The following GNPTAB variants were observed in gnomAD, a reference collection of about 807,000 sequenced individuals.
The protein encoded by GNPTAB is N-acetylglucosamine-1-phosphate transferase subunits alpha and beta.
Under a neutral mutation model 136.6 loss-of-function variants are expected in GNPTAB, and 92 were observed. The ratio of observed to expected loss-of-function variants is 0.67; its 90% CI spans 0.57 to 0.80. The LOEUF (loss-of-function observed/expected upper bound fraction) is 0.80. Ranked by LOEUF, GNPTAB falls within the 30% of genes least tolerant of loss-of-function variation. The pLI is 0.00. For synonymous variants in GNPTAB, 512 were observed against 535.1 expected (o/e 0.96, Z 0.60); for missense variants, 1,343 against 1,501.8 (o/e 0.89, Z 1.75).
intron 1 of GNPTAB, among the ~76,000 whole-genome samples, chr12:101,819,815 T>G (rs1359344347): frequency 6.6e-6 from 1 of 152,220 alleles, no homozygotes; most frequent in Non-Finnish European, 1.5e-5. Flanking sequence ...ATATATAATC[T>G]ATTATAGTTA....
intron 1 of GNPTAB, among the ~76,000 whole-genome samples, chr12:101,826,761 A>T (rs1017664899): frequency 6.6e-6 from 1 of 152,144 alleles, no homozygotes; most frequent in Non-Finnish European, 1.5e-5. Flanking sequence ...AGTAGCAACT[A>T]ACAGAGAACA....
intron 7 of GNPTAB, chr12:101,773,198 T>G: frequency 4.2e-6 from 1 of 235,690 alleles, no homozygotes; most frequent in South Asian, 4.2e-5. Context: ...CACTTGATAG[T>G]TCGTCTGTGC....
chr12:101,803,573 C>T (rs942430167), intron 1 of GNPTAB, among the ~76,000 whole-genome samples: 11 of 152,200 alleles, frequency 7.2e-5, no homozygotes, highest in South Asian at 2.1e-4. Flanking sequence ...TAGTCAAACA[C>T]TAATTAAACT....
rs773032599 is a variant in GNPTAB at position 101,780,221 on chromosome 12, T to C, written c.702A>G (p.Pro234=). The C allele has an allele frequency of 1.9e-5, 31 of 1,613,216 alleles. No homozygotes were observed. The highest frequency in any genetic ancestry group is 1.6e-4 in the Middle Eastern group (1 of 6,084). ...MQDLAFLSGF[P]PTFKETNQLK... ...GTTGATTTGTTTCCTTGAATGTTGG[T>C]GGAAATCCACTCAGGAAAGCCAAAT... Residue 234 remains proline, a synonymous_variant, in exon 7 of 21, where the codon CCA becomes CCG. Coordinates refer to ENST00000299314, the MANE Select transcript of GNPTAB (RefSeq NM_024312.5).
At chr12:101,793,379 C>T (rs1038320390) in intron 2 of GNPTAB, among the ~76,000 whole-genome samples, 2 of 152,166 alleles carry the variant, frequency 1.3e-5, no homozygotes, top group African/African-American at 4.8e-5. Flanking sequence ...ACATCTTAAG[C>T]TTTCCTGTAA....
chr12:101,761,742 G>C lies in GNPTAB; in HGVS notation c.2737C>G (p.Gln913Glu). The part of the protein sequence containing the change: ...LLDEEESLKT[Q>E]LAYFTDSKNT... ...TTGCTATCAGTGAAGTATGCCAATT[G>C]TGTCTTCAATGACTCTTCTTCCTGA... The change falls in exon 14 of 21, where the codon CAA (glutamine) becomes GAA (glutamate). Residue 913 changes from glutamine to glutamate, a missense_variant. Coordinates refer to ENST00000299314, the MANE Select transcript of GNPTAB (RefSeq NM_024312.5). The C allele has an allele frequency of 6.2e-7, 1 of 1,612,896 alleles. No homozygotes were observed. The highest frequency in any genetic ancestry group is 8.5e-7 in the Non-Finnish European group (1 of 1,178,984).
At chr12:101,804,084 T>G (rs866635777) in intron 1 of GNPTAB, among the ~76,000 whole-genome samples, 2 of 151,738 alleles carry the variant, frequency 1.3e-5, no homozygotes, top group Admixed American at 6.6e-5. Context: ...AAAAAAAAAT[T>G]TTTAAAGTTA....
Position 101,747,216 on chromosome 12 carries a change from A to G in GNPTAB, c.3719T>C (p.Phe1240Ser). The change falls in exon 21 of 21, where the codon TTT (phenylalanine) becomes TCT (serine). Residue 1240 changes from phenylalanine (F) to serine (S), a missense_variant. Transcript: ENST00000299314. ...TTCTTTGTGTATCCTCCTTCTGGGA[A>G]ATATCTTCCGCTTAAGTGCAATTAA... ...EQLIALKRKIFPRRRIHKEAS... is the reference protein window; with the variant it reads ...EQLIALKRKISPRRRIHKEAS... 1 of 1,592,398 alleles carries G rather than the reference A, an allele frequency of 6.3e-7. No individual in the cohort carries two copies.
chr12:101,768,350 G>A lies in GNPTAB; in HGVS notation c.1285-190C>T, dbSNP rs74532388. On this transcript the variant is annotated intron_variant, in intron 10 of 20. Transcript: ENST00000299314. ...ACAGTCATTGTTTAGATCCTGCTGC[G>A]TTGACCGTTCTTACTGAGCGTATTT... Among the ~76,000 whole-genome samples, 77 of 152,286 alleles carry A rather than the reference G, an allele frequency of 5.1e-4. 2 individuals are homozygous for A. The East Asian group carries it at 0.013, about 26-fold the overall frequency.
intron 1 of GNPTAB, among the ~76,000 whole-genome samples, chr12:101,801,360 G>A (rs1049908764): frequency 4.7e-5 from 7 of 150,122 alleles, no homozygotes; most frequent in Non-Finnish European, 1.0e-4. Context: ...TAGGCAACAC[G>A]GCAAAACCCT....
intron 1 of GNPTAB, among the ~76,000 whole-genome samples, chr12:101,808,571 CTTGGAT>C (rs1354348174): frequency 6.6e-6 from 1 of 152,016 alleles, no homozygotes; most frequent in Non-Finnish European, 1.5e-5. Flanking sequence ...TCTAGGTGAC[CTTGGAT>C]TTGATGGTAA....
intron 5 of GNPTAB, among the ~76,000 whole-genome samples, chr12:101,782,303 G>A (rs761334990): frequency 2.7e-5 from 4 of 150,402 alleles, no homozygotes; most frequent in Non-Finnish European, 5.9e-5. Flanking sequence ...GAATATATAA[G>A]TTTTTTTTTT....
chr12:101,764,378 T>C lies in GNPTAB; in HGVS notation c.2539A>G (p.Thr847Ala). The change falls in exon 13 of 21, where the codon ACA becomes GCA. Residue 847 changes from threonine (T) to alanine (A), a missense_variant. Transcript: ENST00000299314. ...TTCCCTGTGATTTTCTTTTCTTTTG[T>C]CATCTGGCTTTCCAGTGGAACAATC... ...SLIVPLESQM[T>A]KEKKITGKEK... 6 of 1,614,008 alleles carry C rather than the reference T, an allele frequency of 3.7e-6. No homozygotes were observed. The highest frequency in any genetic ancestry group is 5.1e-6 in the Non-Finnish European group (6 of 1,180,038).
intron 5 of GNPTAB, among the ~76,000 whole-genome samples, chr12:101,782,878 TA>T (rs1020896065): frequency 6.6e-5 from 10 of 152,190 alleles, no homozygotes; most frequent in African/African-American, 2.4e-4. Context: ...CTATTCTACT[TA>T]CCCAGATCAG....
At chr12:101,827,529 C>A (rs950846805) in intron 1 of GNPTAB, among the ~76,000 whole-genome samples, 3 of 152,168 alleles carry the variant, frequency 2.0e-5, no homozygotes, top group Admixed American at 6.5e-5. Context: ...AGCCACCTCA[C>A]CCAGCTTGTT....
intron 7 of GNPTAB, among the ~76,000 whole-genome samples, chr12:101,776,526 T>A (rs922139160): frequency 6.6e-6 from 1 of 152,204 alleles, no homozygotes; most frequent in African/African-American, 2.4e-5. Context: ...AATGAAACTA[T>A]TTTCAAGTCC....
At chr12:101,796,112 G>A in intron 2 of GNPTAB, 2 of 650,216 alleles carry the variant, frequency 3.1e-6, no homozygotes, top group South Asian at 3.4e-5. Flanking sequence ...GACCAATGGA[G>A]TGGGGTTCAG....
intron 1 of GNPTAB, among the ~76,000 whole-genome samples, chr12:101,797,966 C>T (rs1054031674): frequency 1.3e-5 from 2 of 152,068 alleles, no homozygotes; most frequent in Admixed American, 6.6e-5. Flanking sequence ...AACATGTTCC[C>T]GTACCTTGGG....
chr12:101,822,105 G>C (rs1870830575), intron 1 of GNPTAB, among the ~76,000 whole-genome samples: 1 of 152,188 alleles, frequency 6.6e-6, no homozygotes, highest in Admixed American at 6.5e-5. Flanking sequence ...GATGCCCCTT[G>C]AAAACACTCA....
Sources: gnomAD v4.1 joint callset for allele counts (sites outside exome capture counted in the v4.1 genomes callset) on GRCh38, gnomAD v4.1.1 for gene constraint, MANE v1.5 for transcripts, NCBI Gene and HGNC (gene_info 2026-07-23, HGNC 2026-07-21) for gene names.